Variants in CADPS2 observed in about 807,000 individuals in gnomAD.
The protein encoded by CADPS2 is calcium dependent secretion activator 2.
A neutral mutation model predicts 172.5 loss-of-function variants in CADPS2; 93 were observed. The observed-to-expected ratio is 0.54, with a 90% CI of 0.46 to 0.64. The LOEUF is 0.64. Ranked by LOEUF, CADPS2 falls within the 30% of genes least tolerant of loss-of-function variation. The pLI is 0.00. For synonymous variants in CADPS2, 546 were observed against 555.2 expected (o/e 0.98, Z 0.23); for missense variants, 1,420 against 1,565.9 (o/e 0.91, Z 1.57).
chr7:122,499,745 G>A (rs1252972630), intron 9 of CADPS2, among the ~76,000 whole-genome samples: 1 of 152,140 alleles, frequency 6.6e-6, no homozygotes, highest in African/African-American at 2.4e-5. Flanking sequence ...TGTGTCTTAT[G>A]TATCCTTAAG....
rs1256228868 is a variant in CADPS2, at chr7:122,513,457, C to T, written c.1476-142G>A. 2.4e-5 allele frequency: 15 copies of T among 627,588 alleles called. No individual in the cohort carries two copies. In the East Asian group the frequency reaches 3.9e-4, roughly 16 times the overall value. 38.9% of individuals were successfully genotyped at this position (627,588 alleles called of 1,614,324 possible). A position where few individuals can be genotyped will look rare whatever the true frequency, so the allele number is the denominator to read the frequency against. On this transcript the variant is annotated intron_variant, in intron 8 of 29. Coordinates refer to ENST00000449022, the MANE Select transcript of CADPS2 (RefSeq NM_017954.11). ...TAGCTCATTTGGAAAGTGAGACAAC[C>T]TGCAGCTTCTGTGATACAAAATGAG... is the stretch of plus-strand genomic sequence containing the variant.
intron 7 of CADPS2, among the ~76,000 whole-genome samples, 153 bp from the exon 8 acceptor site, chr7:122,554,842 T>C (rs1587222930): frequency 6.6e-6 from 1 of 152,036 alleles, no homozygotes; most frequent in Non-Finnish European, 1.5e-5. Flanking sequence ...CAATAGCTGA[T>C]GGATTTTCAA....
chr7:122,743,639 A>C (rs911525279), intron 1 of CADPS2, among the ~76,000 whole-genome samples: 1 of 152,208 alleles, frequency 6.6e-6, no homozygotes, highest in South Asian at 2.1e-4. Flanking sequence ...AAAAATGAGA[A>C]AGGTTTTTCA....
chr7:122,843,285 C>T (rs1391533982), intron 1 of CADPS2, among the ~76,000 whole-genome samples: 1 of 151,758 alleles, frequency 6.6e-6, no homozygotes, highest in East Asian at 1.9e-4. Flanking sequence ...GAAATTTCTC[C>T]TCAACAATAT....
chr7:122,530,562 C>T (rs1179384256), intron 8 of CADPS2, among the ~76,000 whole-genome samples: 1 of 151,976 alleles, frequency 6.6e-6, no homozygotes, highest in Non-Finnish European at 1.5e-5. Context: ...GTGCTTTATG[C>T]TTTACATATC....
At position 122,886,353 on chromosome 7, in the gene CADPS2, C is replaced by T; in HGVS notation, c.-16G>A. 2.0e-6 allele frequency: 3 copies of T among 1,490,096 alleles called. No individual in the cohort carries two copies. Among genetic ancestry groups the T allele is most frequent in the Non-Finnish European group, 2.7e-6 (3 of 1,128,828 alleles). The allele number at this position is 1,490,096 out of a possible 1,614,324, so 92.3% of individuals were successfully genotyped here. A position where few individuals can be genotyped will look rare whatever the true frequency, so the allele number is the denominator to read the frequency against. Reference sequence around the variant, plus strand: ...GGTCCAGCATGGTGCTCGGGGATCCCCGCCGCTCGGCCCGCGGTCCCCAAG... The same window carrying T: ...GGTCCAGCATGGTGCTCGGGGATCCTCGCCGCTCGGCCCGCGGTCCCCAAG... On this transcript the variant is annotated 5_prime_UTR_variant, in exon 1 of 30. Transcript: ENST00000449022.
At position 122,761,984 on chromosome 7, in the gene CADPS2, G is replaced by C. The variant is rs528698602; in HGVS notation, c.340-24916C>G. On this transcript the variant is annotated intron_variant, in intron 1 of 29. Coordinates refer to ENST00000449022, the MANE Select transcript of CADPS2 (RefSeq NM_017954.11). Reference sequence around the variant, plus strand: ...CTACACTCTAGCCTGGGTGAAAAGTGAGACTCTGCCTCAAAAAAAAAAAAA... The same window carrying C: ...CTACACTCTAGCCTGGGTGAAAAGTCAGACTCTGCCTCAAAAAAAAAAAAA... Among the ~76,000 whole-genome samples the C allele has an allele frequency of 9.3e-5, 12 of 128,606 alleles. No individual in the cohort carries two copies. In the South Asian group the frequency reaches 2.7e-3, roughly 29 times the overall value. The allele number at this position is 128,606 out of a possible 152,430, so 84.4% of individuals were successfully genotyped here. A position where few individuals can be genotyped will look rare whatever the true frequency, so the allele number is the denominator to read the frequency against.
At chr7:122,353,663 C>T (rs2038984059) in intron 27 of CADPS2, among the ~76,000 whole-genome samples, 1 of 152,178 alleles carries the variant, frequency 6.6e-6, no homozygotes, top group Non-Finnish European at 1.5e-5. Context: ...ACTAGAATGA[C>T]AATAGAATAA....
chr7:122,422,808 A>C (rs1371257290), intron 17 of CADPS2, among the ~76,000 whole-genome samples: 2 of 149,334 alleles, frequency 1.3e-5, no homozygotes, highest in Admixed American at 1.3e-4. Flanking sequence ...AAAAAAAAAA[A>C]AATAGCCTGG....
chr7:122,438,619 G>C (rs930972336), intron 16 of CADPS2, among the ~76,000 whole-genome samples, 155 bp from the exon 17 acceptor site: 1 of 152,016 alleles, frequency 6.6e-6, no homozygotes, highest in Non-Finnish European at 1.5e-5. Context: ...TAGGTAACCT[G>C]GGGGGATGTA....
Position 122,325,532 on chromosome 7 carries a change from C to A in CADPS2, c.3662G>T (p.Arg1221Ile). The A allele has an allele frequency of 6.2e-7, 1 of 1,611,556 alleles. No individual in the cohort carries two copies. The highest frequency in any genetic ancestry group is 8.5e-7 in the Non-Finnish European group (1 of 1,178,690). Reference sequence around the variant, plus strand: ...GTAAATATGGAGTTGGAGGTCTAATCTATCAGTCAACCACACGCAAATGAC... The same window carrying A: ...GTAAATATGGAGTTGGAGGTCTAATATATCAGTCAACCACACGCAAATGAC... ...MKVICVWLTD[R>I]LDLQLHIYQL... Residue 1221 changes from arginine (R) to isoleucine (I), a missense_variant, in exon 29 of 30, where the codon AGA (arginine) becomes ATA (isoleucine). Coordinates refer to ENST00000449022, the MANE Select transcript of CADPS2 (RefSeq NM_017954.11).
intron 14 of CADPS2, among the ~76,000 whole-genome samples, chr7:122,459,957 G>A (rs759584817): frequency 1.3e-5 from 2 of 152,186 alleles, no homozygotes; most frequent in African/African-American, 2.4e-5. Flanking sequence ...AGTTTGGAGT[G>A]TCAGAGAAGG....
rs1445698979 is a variant in CADPS2, at chr7:122,474,368, G to A, written c.1998+13C>T. 6.2e-6 allele frequency: 10 copies of A among 1,612,734 alleles called. No homozygotes were observed. In the South Asian group the frequency reaches 1.1e-4, roughly 18 times the overall value. ...ATTCCAACTTATAGGGGACTAGATA[G>A]ACTTGTACTCACCAAGCAAGAATAG... On this transcript the variant is annotated intron_variant, in intron 13 of 29. Transcript: ENST00000449022.
chr7:122,557,739 G>T (rs1325068478), intron 7 of CADPS2, among the ~76,000 whole-genome samples: 3 of 152,122 alleles, frequency 2.0e-5, no homozygotes, highest in Non-Finnish European at 2.9e-5. Flanking sequence ...GGCCACAAGG[G>T]TGAACTATGG....
At chr7:122,559,631 C>T (rs931727833) in intron 7 of CADPS2, among the ~76,000 whole-genome samples, 3 of 151,678 alleles carry the variant, frequency 2.0e-5, no homozygotes, top group African/African-American at 4.8e-5. Flanking sequence ...ATTAGTCAGG[C>T]ATGGTGGCGG....
chr7:122,774,767 CTT>C (rs1167328246), intron 1 of CADPS2, among the ~76,000 whole-genome samples: 2 of 152,106 alleles, frequency 1.3e-5, no homozygotes, highest in Non-Finnish European at 2.9e-5. Flanking sequence ...TATTTCTACT[CTT>C]GAGAATTTAT....
At chr7:122,675,877 G>A (rs551165693) in intron 2 of CADPS2, among the ~76,000 whole-genome samples, 1 of 152,114 alleles carries the variant, frequency 6.6e-6, no homozygotes, top group East Asian at 1.9e-4. Flanking sequence ...TGCACACAGG[G>A]CTTAAAATTT....
intron 24 of CADPS2, among the ~76,000 whole-genome samples, chr7:122,381,404 G>T (rs1013985131): frequency 2.0e-5 from 3 of 152,098 alleles, no homozygotes; most frequent in African/African-American, 7.2e-5. Context: ...AGGCATTGAG[G>T]CACCCAGACT....
At chr7:122,470,614 C>T (rs1023325968) in intron 14 of CADPS2, among the ~76,000 whole-genome samples, 2 of 152,026 alleles carry the variant, frequency 1.3e-5, no homozygotes, top group African/African-American at 4.8e-5. Flanking sequence ...TTTACCTCAG[C>T]CTCCTGAGTA....
Sources: gnomAD v4.1 joint callset for allele counts (sites outside exome capture counted in the v4.1 genomes callset) on GRCh38, gnomAD v4.1.1 for gene constraint, MANE v1.5 for transcripts, NCBI Gene and HGNC (gene_info 2026-07-23, HGNC 2026-07-21) for gene names.